TMEM200A: variants seen among roughly 807,000 people sequenced by gnomAD.
TMEM200A encodes the protein two transmembrane C.
A neutral mutation model predicts 24.3 loss-of-function variants in TMEM200A; 12 were observed. The observed-to-expected ratio is 0.49, with a 90% confidence interval of 0.32 to 0.80. The LOEUF (loss-of-function observed/expected upper bound fraction) is 0.80, where lower values mean the gene tolerates loss of function less well. Among genes scored for constraint, TMEM200A ranks in the 30% least tolerant of loss-of-function variants. The pLI is 0.04. For synonymous variants in TMEM200A, 224 were observed against 224.4 expected (o/e 1.00, Z 0.02); for missense variants, 545 against 614.4 (o/e 0.89, Z 1.19).
chr6:130,373,627 A>C (rs1778370471), intron 1 of TMEM200A, among the ~76,000 whole-genome samples: 1 of 152,224 alleles, frequency 6.6e-6, no homozygotes, highest in Non-Finnish European at 1.5e-5. Context: ...TATAAATGGC[A>C]CTTTGATGAA....
intron 1 of TMEM200A, among the ~76,000 whole-genome samples, chr6:130,379,600 C>T (rs1562550669): frequency 1.3e-5 from 2 of 152,148 alleles, no homozygotes; most frequent in Non-Finnish European, 2.9e-5. Context: ...CAATGTCAAA[C>T]GGTGAAGCAG....
intron 2 of TMEM200A, among the ~76,000 whole-genome samples, chr6:130,436,005 G>A (rs1272872711): frequency 6.6e-6 from 1 of 152,166 alleles, no homozygotes; most frequent in Non-Finnish European, 1.5e-5. Flanking sequence ...AATGGGAGTT[G>A]ATTGGTCCAC....
At chr6:130,410,493 G>A (rs564532062) in intron 2 of TMEM200A, among the ~76,000 whole-genome samples, 1 of 152,302 alleles carries the variant, frequency 6.6e-6, no homozygotes, top group South Asian at 2.1e-4. Flanking sequence ...AAAGAACCAT[G>A]TAAAGAAAAA....
intron 1 of TMEM200A, among the ~76,000 whole-genome samples, chr6:130,368,901 T>C (rs1778245663): frequency 6.6e-6 from 1 of 152,216 alleles, no homozygotes; most frequent in African/African-American, 2.4e-5. Context: ...GGTGCCCTTA[T>C]CTGCAGAATG....
intron 2 of TMEM200A, among the ~76,000 whole-genome samples, chr6:130,436,662 TC>T (rs1780026347): frequency 7.8e-6 from 1 of 128,276 alleles, no homozygotes; most frequent in African/African-American, 3.1e-5. Flanking sequence ...TTTTTTTTTT[TC>T]AGAGAGACAG....
chr6:130,381,358 GC>G (rs1010557046), intron 1 of TMEM200A, among the ~76,000 whole-genome samples: 32 of 152,240 alleles, frequency 2.1e-4, no homozygotes, highest in African/African-American at 7.2e-4. Context: ...CCTCTTGCCT[GC>G]CCCTAACAAA....
Position 130,441,314 on chromosome 6 carries a change from T to C in TMEM200A, c.892T>C (p.Cys298Arg). Reference protein sequence around the residue: ...FTLPVIKLNNCVIDEPSIDNI... With the variant: ...FTLPVIKLNNRVIDEPSIDNI... ...ATTGCCTGTGATCAAACTTAATAAC[T>C]GTGTTATTGATGAGCCCAGTATAGA... The change falls in exon 3 of 3, where the codon TGT becomes CGT. Residue 298 changes from cysteine (C) to arginine (R), a missense_variant. Physicochemically the swap from Cys to Arg is radical, Grantham distance 180. Coordinates refer to ENST00000296978, the MANE Select transcript of TMEM200A (RefSeq NM_001258277.2). The C allele has an allele frequency of 6.2e-7, 1 of 1,614,078 alleles. No individual in the cohort carries two copies. Among genetic ancestry groups the C allele is most frequent in the South Asian group, 1.1e-5 (1 of 91,074 alleles).
chr6:130,405,404 T>A (rs112602078), intron 2 of TMEM200A, among the ~76,000 whole-genome samples: 2 of 151,930 alleles, frequency 1.3e-5, no homozygotes, highest in African/African-American at 4.8e-5. Flanking sequence ...GGTATTTTAT[T>A]TTTTTTTGTG....
chr6:130,407,816 A>G (rs1779239931), intron 2 of TMEM200A, among the ~76,000 whole-genome samples: 1 of 152,172 alleles, frequency 6.6e-6, no homozygotes, highest in Admixed American at 6.5e-5. Flanking sequence ...ACTCTCACAA[A>G]CTTTGAAATT....
intron 1 of TMEM200A, among the ~76,000 whole-genome samples, chr6:130,372,231 G>T (rs570437482): frequency 4.4e-4 from 67 of 152,242 alleles, no homozygotes; most frequent in African/African-American, 1.6e-3. Flanking sequence ...AAATCAGGAG[G>T]GGCATATGGT....
intron 2 of TMEM200A, chr6:130,439,037 A>T (rs953327438): frequency 1.3e-5 from 2 of 152,176 alleles, no homozygotes; most frequent in Non-Finnish European, 2.9e-5. Flanking sequence ...GAAATACAGA[A>T]CATTTGTTAG....
chr6:130,441,216 CTGA>C lies in TMEM200A; in HGVS notation c.799_801del (p.Asp267del), dbSNP rs752493306. 6.2e-7 allele frequency: 1 copy of C among 1,614,000 alleles called. No homozygotes were observed. Among genetic ancestry groups the C allele is most frequent in the Non-Finnish European group, 8.5e-7 (1 of 1,179,998 alleles). On this transcript the variant is annotated inframe_deletion, in exon 3 of 3. Transcript: ENST00000296978. ...CTCTATCCACCTCCTTCCAAGACAA[CTGA>C]TGATAAGACCAGCGGCTCTAAGAAA...
chr6:130,403,332 G>A (rs956470750), intron 2 of TMEM200A, among the ~76,000 whole-genome samples: 3 of 152,062 alleles, frequency 2.0e-5, no homozygotes, highest in African/African-American at 7.2e-5. Flanking sequence ...ATAGAAGATA[G>A]CACTTTCATA....
At chr6:130,422,478 G>C (rs1226977278) in intron 2 of TMEM200A, among the ~76,000 whole-genome samples, 3 of 152,166 alleles carry the variant, frequency 2.0e-5, no homozygotes, top group East Asian at 3.9e-4. Flanking sequence ...TGTTGGCCAG[G>C]CTGGTCTTGA....
intron 2 of TMEM200A, among the ~76,000 whole-genome samples, chr6:130,408,377 C>T (rs1779254629): frequency 6.6e-6 from 1 of 152,224 alleles, no homozygotes. Context: ...GTATTTGAGA[C>T]ACTGCTTTTG....
chr6:130,393,647 G>C (rs756474229), intron 2 of TMEM200A, among the ~76,000 whole-genome samples: 3 of 152,180 alleles, frequency 2.0e-5, no homozygotes, highest in South Asian at 2.1e-4. Context: ...TTGTAAATTA[G>C]TTTGCTGCTA....
chr6:130,390,881 C>A (rs1778817458), intron 2 of TMEM200A, among the ~76,000 whole-genome samples: 1 of 152,194 alleles, frequency 6.6e-6, no homozygotes, highest in African/African-American at 2.4e-5. Context: ...TTCTCAACCT[C>A]TACACTATTG....
intron 1 of TMEM200A, among the ~76,000 whole-genome samples, chr6:130,381,598 T>G (rs1778596959): frequency 6.6e-6 from 1 of 152,230 alleles, no homozygotes; most frequent in Non-Finnish European, 1.5e-5. Context: ...AATCAGAGAA[T>G]GTCCACCATG....
At chr6:130,383,039 T>A in intron 1 of TMEM200A, 2 of 985,392 alleles carry the variant, frequency 2.0e-6, no homozygotes, top group Non-Finnish European at 2.4e-6. Context: ...GGCATGATGT[T>A]ACACTGTGTT....
Sources: allele counts gnomAD v4.1 joint callset (sites outside exome capture counted in the v4.1 genomes callset), GRCh38; gene constraint gnomAD v4.1.1; transcripts MANE v1.5; gene names NCBI Gene and HGNC (gene_info 2026-07-23, HGNC 2026-07-21).